Variants in JUP observed in about 807,000 individuals in gnomAD.
JUP encodes the protein junction plakoglobin.
A neutral mutation model predicts 71.1 loss-of-function variants in JUP; 28 were observed. The observed-to-expected ratio is 0.39, with a 90% confidence interval of 0.29 to 0.54. The LOEUF (loss-of-function observed/expected upper bound fraction) is 0.54. JUP is among the 20% of genes least tolerant of loss of function. JUP has a pLI of 0.62. For synonymous variants in JUP, 401 were observed against 438.9 expected (o/e 0.91, Z 1.08); for missense variants, 869 against 1,030.1 (o/e 0.84, Z 2.14).
At chr17:41,762,176 A>AGAGT (rs1914988239) in intron 8 of JUP, among the ~76,000 whole-genome samples, 48 of 44,838 alleles carry the variant, frequency 1.1e-3, no homozygotes, top group Admixed American at 2.0e-3. Flanking sequence ...AGAGAGAGAG[A>AGAGT]GTGTGTGTGT....
chr17:41,755,546 T>C lies in JUP; in HGVS notation c.*198A>G. 2.0e-6 allele frequency: 1 copy of C among 505,008 alleles called. No homozygotes were observed. The highest frequency in any genetic ancestry group is 3.4e-6 in the Non-Finnish European group (1 of 297,176). The allele number at this position is 505,008 out of a possible 1,614,324, so 31.3% of individuals were successfully genotyped here. The stretch of plus-strand genomic sequence containing the variant: ...CACCCCCAGAAGGGGCCAGCAGGAA[T>C]AGGCCTCCCCATCCCCACCAAAGAC... On this transcript the variant is annotated 3_prime_UTR_variant, in exon 14 of 14. Coordinates refer to ENST00000393931, the MANE Select transcript of JUP (RefSeq NM_002230.4).
chr17:41,784,678 T>C (rs1048205753), intron 1 of JUP, among the ~76,000 whole-genome samples: 2 of 152,066 alleles, frequency 1.3e-5, no homozygotes, highest in Non-Finnish European at 2.9e-5. Context: ...GACTTCCCCC[T>C]AGCACAGGGC....
chr17:41,764,534 G>GGA lies in JUP; in HGVS notation c.1158+178_1158+179insTC, dbSNP rs60346985. On this transcript the variant is annotated intron_variant, in intron 7 of 13. Coordinates refer to ENST00000393931, the MANE Select transcript of JUP (RefSeq NM_002230.4). ...TAGGTGACAGAGTGAGACTCCGTCA[G>GGA]AAAAAAAAAAAAAAAAAAAAAAAGA... Among the ~76,000 whole-genome samples, 86 of 83,908 alleles carry GGA rather than the reference G, an allele frequency of 1.0e-3. 17 individuals are homozygous for GGA. Among genetic ancestry groups the GGA allele is most frequent in the Admixed American group, 1.7e-3 (11 of 6,448 alleles). The allele number at this position is 83,908 out of a possible 152,430, so 55.0% of individuals were successfully genotyped here. A position where few individuals can be genotyped will look rare whatever the true frequency, so the allele number is the denominator to read the frequency against.
rs1249343546 is a variant in JUP at position 41,758,347 on chromosome 17, C to T, written c.1773+52G>A. ...CCCAAATCTGGGACTCCTAACCTTGCCCTTTAAGCAGTGGTGGGGGGACCT... is the reference window on the plus strand; with the variant it reads ...CCCAAATCTGGGACTCCTAACCTTGTCCTTTAAGCAGTGGTGGGGGGACCT... On this transcript the variant is annotated intron_variant, in intron 10 of 13. Coordinates refer to ENST00000393931, the MANE Select transcript of JUP (RefSeq NM_002230.4). The T allele has an allele frequency of 2.5e-6, 4 of 1,610,032 alleles. No individual in the cohort carries two copies. The African/African-American group carries it at 5.3e-5, about 22-fold the overall frequency.
At chr17:41,763,406 A>G (rs1389267339) in intron 7 of JUP, 85 bp from the exon 8 acceptor site, 1 of 1,002,020 alleles carries the variant, frequency 1.0e-6, no homozygotes, top group Non-Finnish European at 1.5e-6. Context: ...GAGTGGGATG[A>G]CCTAAAGGGG....
chr17:41,772,104 G>A (rs1916750456), intron 1 of JUP: 1 of 599,270 alleles, frequency 1.7e-6, no homozygotes. Flanking sequence ...GTATGTCCTG[G>A]GCTTGCATCT....
intron 1 of JUP, among the ~76,000 whole-genome samples, chr17:41,775,620 C>T (rs1014057058): frequency 6.6e-5 from 10 of 152,144 alleles, no homozygotes; most frequent in Non-Finnish European, 1.2e-4. Flanking sequence ...CAGCCAGAGA[C>T]GGGCAGGGAC....
intron 3 of JUP, 97 bp downstream of exon 3, chr17:41,769,321 C>T: frequency 6.4e-7 from 1 of 1,566,550 alleles, no homozygotes; most frequent in Non-Finnish European, 8.7e-7. Context: ...GAGTCTGGGT[C>T]ATAACCTCCC....
chr17:41,781,031 A>T (rs1333304857), intron 1 of JUP, among the ~76,000 whole-genome samples: 21 of 152,002 alleles, frequency 1.4e-4, no homozygotes, highest in Admixed American at 5.9e-4. Flanking sequence ...ACACAAAAAA[A>T]TTAGCCAGGC....
In JUP at chr17:41,767,457, G is replaced by A. The variant is rs1915911159; in HGVS notation, c.831C>T (p.Leu277=). 8.1e-6 allele frequency: 13 copies of A among 1,614,172 alleles called. No homozygotes were observed. Among genetic ancestry groups the A allele is most frequent in the South Asian group, 1.1e-5 (1 of 91,080 alleles). The part of the protein sequence containing the change: ...ADGLQKMVPL[L]NKNNPKFLAI... ...CCAGGAACTTGGGGTTGTTCTTGTT[G>A]AGCAGGGGCACCATCTTTTGCAGCC... Residue 277 remains leucine, a synonymous_variant, in exon 5 of 14, where the codon CTC becomes CTT. Coordinates refer to ENST00000393931, the MANE Select transcript of JUP (RefSeq NM_002230.4).
At chr17:41,768,896 A>G in intron 4 of JUP, 73 bp downstream of exon 4, 1 of 1,179,894 alleles carries the variant, frequency 8.5e-7, no homozygotes, top group Non-Finnish European at 1.2e-6. Flanking sequence ...TATTTATGGA[A>G]GCTCAGGGAA....
intron 1 of JUP, among the ~76,000 whole-genome samples, chr17:41,784,104 C>T (rs528483189): frequency 1.5e-4 from 23 of 152,142 alleles, no homozygotes; most frequent in African/African-American, 4.8e-4. Context: ...TCAGAACTGC[C>T]CCACTGTCCC....
Position 41,764,410 on chromosome 17 carries a change from C to T in JUP, c.1158+303G>A, listed in dbSNP as rs1161580976. On this transcript the variant is annotated intron_variant, in intron 7 of 13. Transcript: ENST00000393931. ...ATTAGCCAGACATGATGGCAGGTGC[C>T]TGTAGTCCCAACTACTCGGGAGGCT... Among the ~76,000 whole-genome samples the T allele has an allele frequency of 3.9e-5, 6 of 151,980 alleles. No homozygotes were observed. In the East Asian group the frequency reaches 1.2e-3, roughly 29 times the overall value.
chr17:41,782,982 A>G (rs1222710152), intron 1 of JUP, among the ~76,000 whole-genome samples: 8 of 151,888 alleles, frequency 5.3e-5, no homozygotes, highest in Non-Finnish European at 1.5e-5. Flanking sequence ...CTGTAATCCC[A>G]GCTACTCGGG....
At chr17:41,756,341 T>A in intron 12 of JUP, 127 bp from the exon 13 acceptor site, 2 of 884,774 alleles carry the variant, frequency 2.3e-6, no homozygotes, top group Non-Finnish European at 3.7e-6. Flanking sequence ...GGCTCACGCC[T>A]GTAATCCCAG....
rs559926750 is a variant in JUP at position 41,783,535 on chromosome 17, C to T, written c.-9+3053G>A. ...AACTCCTGGGCTCAATCAAGCAGTCCACCCTTCTGGGCCTCCTAACGTGCT... is the reference window on the plus strand; with the variant it reads ...AACTCCTGGGCTCAATCAAGCAGTCTACCCTTCTGGGCCTCCTAACGTGCT... On this transcript the variant is annotated intron_variant, in intron 1 of 13. Coordinates refer to ENST00000393931, the MANE Select transcript of JUP (RefSeq NM_002230.4). 1.4e-3 allele frequency among the ~76,000 whole-genome samples: 210 copies of T among 152,150 alleles called. 2 individuals carry two copies. Among genetic ancestry groups the T allele is most frequent in the South Asian group, 2.9e-3 (14 of 4,826 alleles).
chr17:41,763,202 C>T lies in JUP; in HGVS notation c.1278G>A (p.Lys426=). The T allele has an allele frequency of 6.2e-7, 1 of 1,614,242 alleles. No homozygotes were observed. The highest frequency in any genetic ancestry group is 8.5e-7 in the Non-Finnish European group (1 of 1,180,042). The part of the protein sequence containing the change: ...SNLTCNNSKN[K]TLVTQNSGVE... ...CACCGCTGTTCTGTGTCACCAGCGT[C>T]TTGTTCTTGCTGTTGTTGCATGTCA... is the stretch of plus-strand genomic sequence containing the variant. Residue 426 remains lysine, a synonymous_variant, in exon 8 of 14, where the codon AAG becomes AAA. Transcript: ENST00000393931.
At position 41,755,364 on chromosome 17, in the gene JUP, C is replaced by T. The variant is rs1913523867; in HGVS notation, c.*380G>A. On this transcript the variant is annotated 3_prime_UTR_variant, in exon 14 of 14. Transcript: ENST00000393931. Reference sequence around the variant, plus strand: ...CAGCAGGAAGTTACACCCCGGCTTCCCCAGCTCAGGCACTTTTCTGTCTTG... The same window carrying T: ...CAGCAGGAAGTTACACCCCGGCTTCTCCAGCTCAGGCACTTTTCTGTCTTG... 3 of 404,898 alleles carry T rather than the reference C, an allele frequency of 7.4e-6. No individual in the cohort carries two copies. Among genetic ancestry groups the T allele is most frequent in the African/African-American group, 2.1e-5 (1 of 48,648 alleles). The allele number at this position is 404,898 out of a possible 1,614,324, so 25.1% of individuals were successfully genotyped here. A position where few individuals can be genotyped will look rare whatever the true frequency, so the allele number is the denominator to read the frequency against.
chr17:41,768,546 A>G (rs1916069651), intron 4 of JUP, among the ~76,000 whole-genome samples: 2 of 151,572 alleles, frequency 1.3e-5, no homozygotes, highest in African/African-American at 4.9e-5. Context: ...TGGGTGACAG[A>G]GCAAGGCCTC....
Sources: allele counts gnomAD v4.1 joint callset (sites outside exome capture counted in the v4.1 genomes callset), GRCh38; gene constraint gnomAD v4.1.1; transcripts MANE v1.5; gene names NCBI Gene and HGNC (gene_info 2026-07-23, HGNC 2026-07-21).